Variants in ACAA2 observed in about 807,000 individuals in gnomAD.
The protein encoded by ACAA2 is 3-ketoacyl-CoA thiolase, mitochondrial.
Under a neutral mutation model 44.8 loss-of-function variants are expected in ACAA2, and 35 were observed. That is an observed-to-expected ratio of 0.78 (90% CI 0.60 to 1.04). The LOEUF (loss-of-function observed/expected upper bound fraction) is 1.04. ACAA2 is among the 50% of genes least tolerant of loss of function. The pLI, the probability that ACAA2 is intolerant of heterozygous loss-of-function variation, is 0.00. For synonymous variants in ACAA2, 142 were observed against 166.5 expected (o/e 0.85, Z 1.13); for missense variants, 468 against 482.6 (o/e 0.97, Z 0.28).
chr18:49,802,876 G>A (rs1274836280), intron 1 of ACAA2, 23 bp from the exon 2 acceptor site: 1 of 1,613,620 alleles, frequency 6.2e-7, no homozygotes, highest in Non-Finnish European at 8.5e-7. Flanking sequence ...GAAGAGATTT[G>A]TAAGCCATCA....
chr18:49,806,708 G>C (rs2023613685), intron 1 of ACAA2, among the ~76,000 whole-genome samples: 1 of 152,150 alleles, frequency 6.6e-6, no homozygotes, highest in Non-Finnish European at 1.5e-5. Flanking sequence ...TTTTAAAATA[G>C]CATTCTATTA....
chr18:49,802,186 A>G (rs1363520344), intron 2 of ACAA2, among the ~76,000 whole-genome samples: 1 of 152,218 alleles, frequency 6.6e-6, no homozygotes, highest in African/African-American at 2.4e-5. Flanking sequence ...TCAGACATAC[A>G]GTTTCTAGAA....
At chr18:49,785,380 A>G (rs2023316161) in intron 8 of ACAA2, 29 bp from the exon 9 acceptor site, 40 of 1,608,464 alleles carry the variant, frequency 2.5e-5, no homozygotes, top group Non-Finnish European at 3.2e-5. Flanking sequence ...GCACTAACAA[A>G]AATCCTTACT....
chr18:49,806,572 C>A (rs1034282023), intron 1 of ACAA2, among the ~76,000 whole-genome samples: 4 of 152,200 alleles, frequency 2.6e-5, no homozygotes, highest in Non-Finnish European at 5.9e-5. Flanking sequence ...CCAGTCTCCA[C>A]AATGTTCCAT....
intron 7 of ACAA2, among the ~76,000 whole-genome samples, chr18:49,787,784 T>C (rs1479612022): frequency 6.6e-6 from 1 of 152,164 alleles, no homozygotes; most frequent in Admixed American, 6.5e-5. Flanking sequence ...AAGGAGTCCA[T>C]ATATGGGATT....
chr18:49,787,386 T>C (rs2023345622), intron 7 of ACAA2, 25 bp from the exon 8 acceptor site: 9 of 1,341,138 alleles, frequency 6.7e-6, no homozygotes, highest in Non-Finnish European at 8.8e-6. Flanking sequence ...AAATCTTCTA[T>C]AAAAATATAG....
At chr18:49,795,133 G>A (rs1480103337) in intron 4 of ACAA2, among the ~76,000 whole-genome samples, 1 of 152,142 alleles carries the variant, frequency 6.6e-6, no homozygotes. Flanking sequence ...GAGAAACTGG[G>A]TGAACAGTGT....
intron 3 of ACAA2, among the ~76,000 whole-genome samples, chr18:49,796,996 T>C (rs1432467395): frequency 6.6e-6 from 1 of 152,034 alleles, no homozygotes; most frequent in Non-Finnish European, 1.5e-5. Flanking sequence ...CTTACCATTT[T>C]AACCATTTTT....
chr18:49,799,104 GTATT>G (rs766501344), intron 2 of ACAA2, among the ~76,000 whole-genome samples: 8 of 152,108 alleles, frequency 5.3e-5, no homozygotes, highest in Non-Finnish European at 1.2e-4. Context: ...AACAGAAAAA[GTATT>G]TGACAAAATA....
chr18:49,786,600 T>TTTGTTCTATTAGTTA, intron 8 of ACAA2: 1 of 151,988 alleles, frequency 6.6e-6, no homozygotes, highest in Middle Eastern at 3.4e-3. Context: ...ATAGATTTCC[T>TTTGTTCTATTAGTTA]TTGTTCTATT....
intron 3 of ACAA2, 101 bp from the exon 4 acceptor site, chr18:49,795,982 A>C: frequency 1.3e-6 from 1 of 745,962 alleles, no homozygotes; most frequent in Non-Finnish European, 2.3e-6. Context: ...TCAAACAAAT[A>C]TTGTACTGTA....
intron 8 of ACAA2, 75 bp from the exon 9 acceptor site, chr18:49,785,426 T>TATCAACA (rs1555789631): frequency 1.4e-6 from 2 of 1,418,102 alleles, no homozygotes; most frequent in African/African-American, 2.9e-5. Flanking sequence ...GGTCCAGTCC[T>TATCAACA]ATCAACAGCT....
At chr18:49,785,984 A>T (rs1478696217) in intron 8 of ACAA2, 1 of 152,346 alleles carries the variant, frequency 6.6e-6, no homozygotes, top group South Asian at 2.1e-4. Context: ...ACTGAAAAGT[A>T]TATTATGTTA....
chr18:49,792,215 T>C lies in ACAA2; in HGVS notation c.690A>G (p.Glu230=), dbSNP rs764456603. ...DEHARPQTTL[E]QLQKLPPVFK... is the part of the protein sequence containing the mutation. The stretch of plus-strand genomic sequence containing the variant: ...ATACTGGAGGAAGTTTCTGTAACTG[T>C]TCCAGGGTGGTTTGGGGCCGAGCAT... The change falls in exon 6 of 10, where the codon GAA becomes GAG. Residue 230 remains glutamate, a synonymous_variant. Coordinates refer to ENST00000285093, the MANE Select transcript of ACAA2 (RefSeq NM_006111.3). 16 of 1,614,132 alleles carry C rather than the reference T, an allele frequency of 9.9e-6. 1 individual carries two copies. The Middle Eastern group carries it at 2.0e-3, about 201-fold the overall frequency.
At chr18:49,788,679 G>C (rs995322735) in intron 7 of ACAA2, among the ~76,000 whole-genome samples, 4 of 152,164 alleles carry the variant, frequency 2.6e-5, no homozygotes, top group African/African-American at 9.7e-5. Flanking sequence ...CATAAAAGGT[G>C]GACAATGTTC....
At chr18:49,799,701 C>G (rs2023511404) in intron 2 of ACAA2, among the ~76,000 whole-genome samples, 1 of 151,446 alleles carries the variant, frequency 6.6e-6, no homozygotes, top group Non-Finnish European at 1.5e-5. Flanking sequence ...GGGAGCCCCT[C>G]TGCCTGGCTG....
Position 49,791,667 on chromosome 18 carries a change from G to A in ACAA2, c.754-68C>T, listed in dbSNP as rs2023400984. ...CCAGTTAATCAAAGTTTGAACTAAT[G>A]GACTAGTAGTATTAGGAATATGGCA... On this transcript the variant is annotated intron_variant, in intron 6 of 9. Coordinates refer to ENST00000285093, the MANE Select transcript of ACAA2 (RefSeq NM_006111.3). 10 of 1,518,656 alleles carry A rather than the reference G, an allele frequency of 6.6e-6. No homozygotes were observed. The South Asian group carries it at 1.2e-4, about 18-fold the overall frequency. 94.1% of individuals were successfully genotyped at this position (1,518,656 alleles called of 1,614,324 possible).
chr18:49,788,264 T>A (rs939555822), intron 7 of ACAA2, among the ~76,000 whole-genome samples: 1 of 152,220 alleles, frequency 6.6e-6, no homozygotes, highest in Admixed American at 6.5e-5. Context: ...CAAAAATGTC[T>A]ACAAAGAAAA....
At chr18:49,794,206 C>A in intron 5 of ACAA2, 74 bp downstream of exon 5, 7 of 1,096,578 alleles carry the variant, frequency 6.4e-6, no homozygotes, top group Middle Eastern at 3.2e-4. Flanking sequence ...ATTATATAAC[C>A]ATAATAGAAA....
Sources: allele counts gnomAD v4.1 joint callset (sites outside exome capture counted in the v4.1 genomes callset), GRCh38; gene constraint gnomAD v4.1.1; transcripts MANE v1.5; gene names NCBI Gene and HGNC (gene_info 2026-07-23, HGNC 2026-07-21).